CDYL2: variants seen among roughly 807,000 people sequenced by gnomAD.
CDYL2 encodes chromodomain Y-like protein 2.
Under a neutral mutation model 49.4 loss-of-function variants are expected in CDYL2, and 23 were observed. The observed-to-expected ratio is 0.47, with a 90% confidence interval of 0.34 to 0.66. The LOEUF (loss-of-function observed/expected upper bound fraction) is 0.66, where lower values mean the gene tolerates loss of function less well. Ranked by LOEUF, CDYL2 falls within the 30% of genes least tolerant of loss-of-function variation. The probability of loss-of-function intolerance (pLI) is 0.01; values close to 1 mark genes in which losing one functional copy is unlikely to be tolerated. For missense variants in CDYL2, 678 were observed against 656.4 expected, an observed-to-expected ratio of 1.03 and a Z score of -0.36; for synonymous variants, 360 against 268.8, an observed-to-expected ratio of 1.34 and a Z score of -3.32.
chr16:80,776,733 T>A (rs1172142904), intron 1 of CDYL2, among the ~76,000 whole-genome samples: 2 of 151,810 alleles, frequency 1.3e-5, no homozygotes, highest in Non-Finnish European at 2.9e-5. Context: ...GAAGAATTCA[T>A]ATAATGGGAT....
At chr16:80,698,246 A>G (rs1353765004) in intron 1 of CDYL2, among the ~76,000 whole-genome samples, 2 of 152,210 alleles carry the variant, frequency 1.3e-5, no homozygotes, top group African/African-American at 4.8e-5. Flanking sequence ...CAAAAGCAAA[A>G]ACAGACAGGA....
intron 2 of CDYL2, among the ~76,000 whole-genome samples, chr16:80,667,278 C>G (rs1294996510): frequency 6.6e-6 from 1 of 152,174 alleles, no homozygotes; most frequent in East Asian, 1.9e-4. Flanking sequence ...GAGGAATTCC[C>G]TGGAGCTCAG....
chr16:80,693,402 A>T (rs529427185), intron 1 of CDYL2, among the ~76,000 whole-genome samples: 129 of 152,366 alleles, frequency 8.5e-4, no homozygotes, highest in Middle Eastern at 3.4e-3. Flanking sequence ...AGAAATTGTA[A>T]TAAAGCATAA....
At chr16:80,669,861 A>C (rs977727965) in intron 2 of CDYL2, among the ~76,000 whole-genome samples, 1 of 152,224 alleles carries the variant, frequency 6.6e-6, no homozygotes, top group African/African-American at 2.4e-5. Context: ...GAGGAGAGTG[A>C]GTGCACACCA....
chr16:80,764,827 G>A (rs1018311122), intron 1 of CDYL2, among the ~76,000 whole-genome samples: 10 of 151,906 alleles, frequency 6.6e-5, no homozygotes, highest in Admixed American at 1.3e-4. Flanking sequence ...TTGTGAGGCC[G>A]AGGCAGGTGG....
At chr16:80,626,163 T>C (rs1005167033) in intron 3 of CDYL2, among the ~76,000 whole-genome samples, 1 of 147,516 alleles carries the variant, frequency 6.8e-6, no homozygotes, top group Admixed American at 6.8e-5. Flanking sequence ...CCAGGCATGG[T>C]GGTGCATGCC....
intron 2 of CDYL2, among the ~76,000 whole-genome samples, chr16:80,676,510 C>A (rs1430318857): frequency 6.6e-6 from 1 of 152,126 alleles, no homozygotes; most frequent in Non-Finnish European, 1.5e-5. Flanking sequence ...AACCAGTTTC[C>A]CTGGGCCTCT....
intron 2 of CDYL2, among the ~76,000 whole-genome samples, chr16:80,633,956 T>C (rs1372479488): frequency 6.6e-6 from 1 of 152,040 alleles, no homozygotes; most frequent in East Asian, 1.9e-4. Context: ...ACAGGATACA[T>C]CAGGAGCTCT....
intron 3 of CDYL2, chr16:80,628,334 G>A (rs570752354): frequency 6.6e-6 from 1 of 152,254 alleles, no homozygotes; most frequent in Non-Finnish European, 1.5e-5. Context: ...ATCTTCAGGA[G>A]GAGAATAGGT....
chr16:80,702,945 G>A (rs1904310682), intron 1 of CDYL2, among the ~76,000 whole-genome samples: 1 of 152,084 alleles, frequency 6.6e-6, no homozygotes, highest in South Asian at 2.1e-4. Flanking sequence ...ATAATCAGTT[G>A]TTATTGCTTT....
chr16:80,804,663 C>T (rs900174314), upstream of CDYL2, among the ~76,000 whole-genome samples: 6 of 146,158 alleles, frequency 4.1e-5, no homozygotes, highest in African/African-American at 1.5e-4. Flanking sequence ...GGGCTGCTGC[C>T]CGGCCGCGCC....
chr16:80,652,881 T>C (rs1188103897), intron 2 of CDYL2, among the ~76,000 whole-genome samples: 3 of 151,978 alleles, frequency 2.0e-5, no homozygotes, highest in South Asian at 4.2e-4. Context: ...TTTACGACCA[T>C]AAAAAGAAGG....
At chr16:80,684,452 G>T in intron 2 of CDYL2, 86 bp downstream of exon 2, 2 of 1,229,640 alleles carry the variant, frequency 1.6e-6, no homozygotes, top group South Asian at 1.4e-5. Context: ...TGGAGGTGGG[G>T]GTCTTATGTA....
At chr16:80,635,224 T>C (rs911631976) in intron 2 of CDYL2, among the ~76,000 whole-genome samples, 2 of 152,204 alleles carry the variant, frequency 1.3e-5, no homozygotes, top group South Asian at 2.1e-4. Flanking sequence ...TATCAATTGA[T>C]GTAGAAAAAG....
intron 1 of CDYL2, among the ~76,000 whole-genome samples, chr16:80,703,369 G>C (rs945391593): frequency 5.9e-5 from 9 of 152,118 alleles, no homozygotes; most frequent in African/African-American, 2.2e-4. Flanking sequence ...CCCACGGCTT[G>C]TCACATGGTA....
intron 1 of CDYL2, among the ~76,000 whole-genome samples, chr16:80,722,668 C>A (rs1439594729): frequency 6.6e-6 from 1 of 152,190 alleles, no homozygotes; most frequent in Non-Finnish European, 1.5e-5. Context: ...TGACAGACAT[C>A]CGAAAACCAG....
At chr16:80,793,140 T>C (rs1402105240) in intron 1 of CDYL2, among the ~76,000 whole-genome samples, 1 of 152,058 alleles carries the variant, frequency 6.6e-6, no homozygotes, top group Non-Finnish European at 1.5e-5. Flanking sequence ...AGCAACCCAA[T>C]CTAAAACGGA....
At chr16:80,605,843 C>T (rs773472291) in intron 6 of CDYL2, among the ~76,000 whole-genome samples, 5 of 152,176 alleles carry the variant, frequency 3.3e-5, no homozygotes, top group Non-Finnish European at 7.3e-5. Context: ...CTCATGATAA[C>T]CCTGCAAGTA....
chr16:80,667,372 G>C (rs760217080), intron 2 of CDYL2, among the ~76,000 whole-genome samples: 2 of 152,162 alleles, frequency 1.3e-5, no homozygotes, highest in African/African-American at 4.8e-5. Context: ...CTGTCCCTCA[G>C]CTCTATGCCC....
Sources: gnomAD v4.1 joint callset for allele counts (sites outside exome capture counted in the v4.1 genomes callset) on GRCh38, gnomAD v4.1.1 for gene constraint, MANE v1.5 for transcripts, NCBI Gene and HGNC (gene_info 2026-07-23, HGNC 2026-07-21) for gene names.